Variants in GRIK2 observed in about 807,000 individuals in gnomAD.
The protein encoded by GRIK2 is glutamate receptor ionotropic, kainate 2.
A neutral mutation model predicts 100.3 loss-of-function variants in GRIK2; 32 were observed. The observed-to-expected ratio is 0.32, with a 90% CI of 0.24 to 0.43. The LOEUF (loss-of-function observed/expected upper bound fraction) is 0.43, where lower values mean the gene tolerates loss of function less well. Among genes scored for constraint, GRIK2 ranks in the 20% least tolerant of loss-of-function variants. The pLI, the probability that GRIK2 is intolerant of heterozygous loss-of-function variation, is 1.00. For synonymous variants in GRIK2, 417 were observed against 389.4 expected (o/e 1.07, Z -0.83); for missense variants, 843 against 1,114.9 (o/e 0.76, Z 3.47).
chr6:101,630,637 G>A (rs1780687649), intron 4 of GRIK2, among the ~76,000 whole-genome samples: 1 of 152,004 alleles, frequency 6.6e-6, no homozygotes, highest in African/African-American at 2.4e-5. Context: ...TGCATAGTTT[G>A]TGAATATTTG....
At chr6:101,573,841 A>G (rs1562235469) in intron 2 of GRIK2, among the ~76,000 whole-genome samples, 1 of 152,120 alleles carries the variant, frequency 6.6e-6, no homozygotes, top group Non-Finnish European at 1.5e-5. Flanking sequence ...AGTGACAACA[A>G]AAGTGGGGGT....
chr6:101,580,114 C>A (rs1223498882), intron 2 of GRIK2, among the ~76,000 whole-genome samples: 2 of 152,114 alleles, frequency 1.3e-5, no homozygotes, highest in African/African-American at 4.8e-5. Context: ...TTAAATACTG[C>A]CACAATCTGA....
At chr6:101,451,706 G>GTT (rs1562147403) in intron 2 of GRIK2, among the ~76,000 whole-genome samples, 1 of 138,792 alleles carries the variant, frequency 7.2e-6, no homozygotes, top group Non-Finnish European at 1.6e-5. Flanking sequence ...GGGGGGGGGG[G>GTT]GTGCCAAATA....
chr6:101,511,848 T>C (rs930109355), intron 2 of GRIK2, among the ~76,000 whole-genome samples: 4 of 151,964 alleles, frequency 2.6e-5, no homozygotes, highest in Non-Finnish European at 4.4e-5. Flanking sequence ...TTTTATGAAC[T>C]CACCTATGAT....
chr6:101,875,590 C>A (rs575115173), intron 11 of GRIK2, among the ~76,000 whole-genome samples: 99 of 151,716 alleles, frequency 6.5e-4, no homozygotes, highest in African/African-American at 2.4e-3. Flanking sequence ...AATTTCATTT[C>A]TGTTTTCTAA....
intron 2 of GRIK2, among the ~76,000 whole-genome samples, chr6:101,613,690 C>T (rs950275329): frequency 2.7e-5 from 4 of 150,506 alleles, no homozygotes; most frequent in Non-Finnish European, 5.9e-5. Flanking sequence ...GCTGGCCACT[C>T]TCTCATAATT....
intron 5 of GRIK2, among the ~76,000 whole-genome samples, chr6:101,679,685 A>G (rs1470012112): frequency 6.6e-6 from 1 of 152,188 alleles, no homozygotes; most frequent in African/African-American, 2.4e-5. Flanking sequence ...ATTCTTTTTG[A>G]GTAAGGTTAC....
At chr6:101,956,793 T>TTA (rs149641800) in intron 14 of GRIK2, among the ~76,000 whole-genome samples, 1 of 147,280 alleles carries the variant, frequency 6.8e-6, no homozygotes, top group Admixed American at 6.8e-5. Context: ...TAAAATTTTC[T>TTA]TATATATATC....
At chr6:101,457,071 T>C (rs1771048598) in intron 2 of GRIK2, among the ~76,000 whole-genome samples, 1 of 152,162 alleles carries the variant, frequency 6.6e-6, no homozygotes, top group Non-Finnish European at 1.5e-5. Context: ...CATGGCCTTT[T>C]GCATATATGC....
intron 9 of GRIK2, among the ~76,000 whole-genome samples, chr6:101,817,030 G>A (rs1035854204): frequency 2.0e-5 from 3 of 152,102 alleles, no homozygotes; most frequent in South Asian, 2.1e-4. Context: ...TGATATGACC[G>A]GCTTGGCTCC....
chr6:101,498,893 T>C (rs1029604333), intron 2 of GRIK2, among the ~76,000 whole-genome samples: 6 of 152,194 alleles, frequency 3.9e-5, no homozygotes, highest in African/African-American at 1.4e-4. Context: ...TTTGTCAATT[T>C]TGGCTTTTGT....
intron 7 of GRIK2, among the ~76,000 whole-genome samples, chr6:101,720,091 G>A (rs185157617): frequency 0.021 from 2,880 of 138,450 alleles, 110 homozygotes; most frequent in African/African-American, 0.075. Context: ...GGATGATTTC[G>A]TTTTTTTTTC....
intron 7 of GRIK2, among the ~76,000 whole-genome samples, chr6:101,763,511 T>C (rs987667183): frequency 2.6e-5 from 4 of 152,224 alleles, no homozygotes; most frequent in Non-Finnish European, 2.9e-5. Flanking sequence ...TAGCATCTTA[T>C]TCAATTTATT....
chr6:101,680,615 T>G (rs935839027), intron 5 of GRIK2, among the ~76,000 whole-genome samples: 1 of 152,200 alleles, frequency 6.6e-6, no homozygotes, highest in African/African-American at 2.4e-5. Flanking sequence ...GTATTATTTT[T>G]AGTTATACAT....
chr6:101,606,157 C>G (rs984804896), intron 2 of GRIK2, among the ~76,000 whole-genome samples: 8 of 151,934 alleles, frequency 5.3e-5, no homozygotes, highest in South Asian at 4.1e-4. Context: ...TTTGCTTCCT[C>G]CAGACAGGTA....
chr6:101,603,952 A>C (rs1488080585), intron 2 of GRIK2, among the ~76,000 whole-genome samples: 1 of 151,640 alleles, frequency 6.6e-6, no homozygotes, highest in Non-Finnish European at 1.5e-5. Flanking sequence ...TTCTATTCAG[A>C]GTAGATTTTA....
chr6:101,480,510 A>G (rs986283923), intron 2 of GRIK2, among the ~76,000 whole-genome samples: 2 of 152,152 alleles, frequency 1.3e-5, no homozygotes, highest in African/African-American at 4.8e-5. Context: ...TACTTCCTAC[A>G]AAGCCTCACT....
At chr6:101,517,522 A>ATT (rs59430297) in intron 2 of GRIK2, among the ~76,000 whole-genome samples, 2,051 of 151,492 alleles carry the variant, frequency 0.014, 49 homozygotes, top group African/African-American at 0.048. Flanking sequence ...GAGATAATTA[A>ATT]TTTTTTTTTA....
chr6:101,519,593 C>A (rs996970913), intron 2 of GRIK2, among the ~76,000 whole-genome samples: 27 of 151,954 alleles, frequency 1.8e-4, no homozygotes, highest in Non-Finnish European at 4.4e-5. Flanking sequence ...AATTAAGTCC[C>A]AGAATACAAA....
Sources: allele counts gnomAD v4.1 joint callset (sites outside exome capture counted in the v4.1 genomes callset), GRCh38; gene constraint gnomAD v4.1.1; transcripts MANE v1.5; gene names NCBI Gene and HGNC (gene_info 2026-07-23, HGNC 2026-07-21).